The following UBASH3B variants were observed in gnomAD, a reference collection of about 807,000 sequenced individuals.
UBASH3B encodes the protein ubiquitin associated and SH3 domain containing B, also known as ubiquitin-associated and SH3 domain-containing protein B.
Under a neutral mutation model 83.4 loss-of-function variants are expected in UBASH3B, and 37 were observed. That is an observed-to-expected ratio of 0.44 (90% CI 0.34 to 0.58). UBASH3B has a LOEUF of 0.58. Ranked by LOEUF, UBASH3B falls within the 20% of genes least tolerant of loss-of-function variation. The pLI is 0.01. For synonymous variants in UBASH3B, 304 were observed against 318.3 expected, an observed-to-expected ratio of 0.96 and a Z score of 0.48; for missense variants, 657 against 827.2, an observed-to-expected ratio of 0.79 and a Z score of 2.52.
At chr11:122,692,152 TGG>T (rs1165807170) in intron 1 of UBASH3B, among the ~76,000 whole-genome samples, 1 of 152,020 alleles carries the variant, frequency 6.6e-6, no homozygotes, top group Non-Finnish European at 1.5e-5. Context: ...CCTCACAAGA[TGG>T]GGATAATTAA....
intron 1 of UBASH3B, among the ~76,000 whole-genome samples, chr11:122,773,070 G>A (rs953129525): frequency 5.3e-5 from 8 of 152,180 alleles, no homozygotes; most frequent in African/African-American, 1.4e-4. Context: ...TTATCTTCTC[G>A]AGGTCTCAGA....
chr11:122,774,769 A>G (rs894213240), intron 1 of UBASH3B, among the ~76,000 whole-genome samples: 3 of 152,184 alleles, frequency 2.0e-5, no homozygotes, highest in Admixed American at 6.5e-5. Context: ...GACACTGTCC[A>G]AGGCTCCTTC....
Position 122,703,706 on chromosome 11 carries a change from T to C in UBASH3B, c.161+47496T>C, listed in dbSNP as rs138289876. On this transcript the variant is annotated intron_variant, in intron 1 of 13. Transcript: ENST00000284273. Reference sequence around the variant, plus strand: ...AATATAATGTATTGTTTTATTGTACTTAAAGCCCCTTGTTTTTTGAAGACA... The same window carrying C: ...AATATAATGTATTGTTTTATTGTACCTAAAGCCCCTTGTTTTTTGAAGACA... 4.9e-3 allele frequency among the ~76,000 whole-genome samples: 753 copies of C among 152,332 alleles called. 1 individual carries two copies. Among genetic ancestry groups the C allele is most frequent in the African/African-American group, 0.015 (643 of 41,588 alleles).
chr11:122,808,969 G>T (rs1422840217), intron 13 of UBASH3B, among the ~76,000 whole-genome samples: 1 of 75,814 alleles, frequency 1.3e-5, no homozygotes, highest in African/African-American at 4.3e-5. Flanking sequence ...GCAGAGACTC[G>T]TAAGGAGAAA....
In UBASH3B at chr11:122,759,812, C is replaced by T. The variant is rs960118228; in HGVS notation, c.162-16407C>T. 6.6e-6 allele frequency among the ~76,000 whole-genome samples: 1 copy of T among 152,224 alleles called. No homozygotes were observed. The highest frequency in any genetic ancestry group is 6.5e-5 in the Admixed American group (1 of 15,284). On this transcript the variant is annotated intron_variant, in intron 1 of 13. Transcript: ENST00000284273. The surrounding 1 kb of genome is among the most constrained non-coding windows in gnomAD (Gnocchi z 4.1). ...GTGCAGCCTGGCTCCTAACAGGCCACGTACCAGTACCCATCTGTGGCTCAG... is the reference window on the plus strand; with the variant it reads ...GTGCAGCCTGGCTCCTAACAGGCCATGTACCAGTACCCATCTGTGGCTCAG...
chr11:122,698,722 A>G (rs1863994706), intron 1 of UBASH3B, among the ~76,000 whole-genome samples: 1 of 152,022 alleles, frequency 6.6e-6, no homozygotes, highest in African/African-American at 2.4e-5. Flanking sequence ...CCCACATTCC[A>G]TCCACCCGAC....
intron 1 of UBASH3B, among the ~76,000 whole-genome samples, chr11:122,742,006 G>A (rs1861033704): frequency 6.6e-6 from 1 of 152,172 alleles, no homozygotes; most frequent in Non-Finnish European, 1.5e-5. Flanking sequence ...TCTCTGGTCT[G>A]ATGGTGGAGC....
chr11:122,701,916 A>G (rs952696598), intron 1 of UBASH3B, among the ~76,000 whole-genome samples: 1 of 152,112 alleles, frequency 6.6e-6, no homozygotes, highest in Non-Finnish European at 1.5e-5. Context: ...ATGTAGTGGC[A>G]TGATCATGCT....
intron 1 of UBASH3B, among the ~76,000 whole-genome samples, chr11:122,744,807 C>T (rs749398470): frequency 4.7e-5 from 7 of 150,094 alleles, no homozygotes; most frequent in Admixed American, 1.3e-4. Flanking sequence ...ACTGTGTGAT[C>T]GTGTGTGATT....
chr11:122,793,472 T>C (rs1490823924), intron 6 of UBASH3B, among the ~76,000 whole-genome samples: 1 of 152,210 alleles, frequency 6.6e-6, no homozygotes, highest in Admixed American at 6.5e-5. Context: ...CATCAACAGA[T>C]GCAAGCCAGG....
At chr11:122,715,008 T>C (rs975140243) in intron 1 of UBASH3B, among the ~76,000 whole-genome samples, 17 of 152,160 alleles carry the variant, frequency 1.1e-4, no homozygotes, top group South Asian at 4.1e-4. Flanking sequence ...TGCAGTGGCG[T>C]GATCTCGGCT....
Position 122,712,896 on chromosome 11 carries a change from G to GTTTTTTTT in UBASH3B, c.161+56709_161+56716dup, listed in dbSNP as rs386375116. ...GACATTCATCTTTCTTCTCTGGGTG[G>GTTTTTTTT]TTTTTTTTTTTTTTTTTTTTTTTTT... On this transcript the variant is annotated intron_variant, in intron 1 of 13. Coordinates refer to ENST00000284273, the MANE Select transcript of UBASH3B (RefSeq NM_032873.5). Among the ~76,000 whole-genome samples the GTTTTTTTT allele has an allele frequency of 4.3e-4, 28 of 64,526 alleles. 2 individuals carry two copies. The highest frequency in any genetic ancestry group is 1.4e-3 in the East Asian group (2 of 1,448). The allele number at this position is 64,526 out of a possible 152,430, so 42.3% of individuals were successfully genotyped here.
Position 122,719,672 on chromosome 11 carries a change from T to C in UBASH3B, c.162-56547T>C, listed in dbSNP as rs75734267. Among the ~76,000 whole-genome samples, 102 of 152,334 alleles carry C rather than the reference T, an allele frequency of 6.7e-4. 1 individual carries two copies. In the East Asian group the frequency reaches 0.019, roughly 28 times the overall value. Reference sequence around the variant, plus strand: ...AACCTAAAGTGTTAAATCAGATTCTTGAACAGTAACACTTCCCAAACAAGT... The same window carrying C: ...AACCTAAAGTGTTAAATCAGATTCTCGAACAGTAACACTTCCCAAACAAGT... On this transcript the variant is annotated intron_variant, in intron 1 of 13. Coordinates refer to ENST00000284273, the MANE Select transcript of UBASH3B (RefSeq NM_032873.5).
intron 1 of UBASH3B, among the ~76,000 whole-genome samples, chr11:122,695,572 ACT>A (rs1289070885): frequency 6.6e-6 from 1 of 151,526 alleles, no homozygotes; most frequent in African/African-American, 2.4e-5. Context: ...CTCTTAGGAG[ACT>A]CTGTGGTTTT....
chr11:122,728,537 C>T (rs1483481855), intron 1 of UBASH3B, among the ~76,000 whole-genome samples: 1 of 152,242 alleles, frequency 6.6e-6, no homozygotes, highest in Admixed American at 6.5e-5. Flanking sequence ...AATTATCAAA[C>T]TTTTCTTCTC....
At chr11:122,736,319 A>G (rs1172235754) in intron 1 of UBASH3B, among the ~76,000 whole-genome samples, 2 of 152,058 alleles carry the variant, frequency 1.3e-5, no homozygotes, top group African/African-American at 2.4e-5. Context: ...TTTTTCGGAC[A>G]CAACCTCATT....
chr11:122,725,295 C>A (rs956224492), intron 1 of UBASH3B, among the ~76,000 whole-genome samples: 1 of 138,046 alleles, frequency 7.2e-6, no homozygotes, highest in Non-Finnish European at 1.5e-5. Context: ...AATAAAATCA[C>A]TCTAGTTGCT....
intron 1 of UBASH3B, among the ~76,000 whole-genome samples, chr11:122,688,655 A>ATT (rs1555135102): frequency 2.8e-4 from 27 of 95,086 alleles, no homozygotes; most frequent in African/African-American, 7.8e-4. Flanking sequence ...ATTTTATTTT[A>ATT]TTTTTTTGAG....
intron 1 of UBASH3B, among the ~76,000 whole-genome samples, chr11:122,722,232 C>T (rs1425097092): frequency 2.0e-5 from 3 of 152,192 alleles, no homozygotes; most frequent in Non-Finnish European, 2.9e-5. Flanking sequence ...CCTAGAGCTC[C>T]GCCCTCATGC....
Sources: gnomAD v4.1 joint callset for allele counts (sites outside exome capture counted in the v4.1 genomes callset) on GRCh38, gnomAD v4.1.1 for gene constraint, Gnocchi (gnomAD v3.1) non-coding constraint, MANE v1.5 for transcripts, NCBI Gene and HGNC (gene_info 2026-07-23, HGNC 2026-07-21) for gene names.